The following SOX5 variants were observed in gnomAD, a reference collection of about 807,000 sequenced individuals.
SOX5 encodes the protein transcription factor SOX-5.
Under a neutral mutation model 92.0 loss-of-function variants are expected in SOX5, and 9 were observed. The ratio of observed to expected loss-of-function variants is 0.10; its 90% CI spans 0.06 to 0.17. SOX5 has a LOEUF of 0.17. SOX5 is among the 10% of genes least tolerant of loss of function. SOX5 has a pLI of 1.00. For synonymous variants in SOX5, 344 were observed against 336.3 expected (o/e 1.02, Z -0.25); for missense variants, 642 against 944.5 (o/e 0.68, Z 4.20).
At chr12:23,640,943 C>G in intron 7 of SOX5, 46 bp from the exon 8 acceptor site, 2 of 1,278,028 alleles carry the variant, frequency 1.6e-6, no homozygotes, top group Non-Finnish European at 2.2e-6. Flanking sequence ...TATCTACTCT[C>G]CACCTGCAAA....
At chr12:23,729,818 C>T (rs908958800) in intron 6 of SOX5, among the ~76,000 whole-genome samples, 4 of 152,144 alleles carry the variant, frequency 2.6e-5, no homozygotes, top group African/African-American at 9.7e-5. Context: ...CATGCTAGAA[C>T]GCATTGTCGG....
At chr12:24,550,331 C>T (rs138834564) in intron 1 of SOX5, among the ~76,000 whole-genome samples, 35 of 152,260 alleles carry the variant, frequency 2.3e-4, no homozygotes, top group African/African-American at 7.5e-4. Context: ...AAGAAGATAG[C>T]CACCTATGTT....
chr12:23,713,293 C>T (rs1461284545), intron 6 of SOX5, among the ~76,000 whole-genome samples: 1 of 152,162 alleles, frequency 6.6e-6, no homozygotes, highest in Non-Finnish European at 1.5e-5. Flanking sequence ...GGAATAAACC[C>T]TATCAACAAC....
At chr12:24,011,325 C>A (rs1453543994) in intron 4 of SOX5, among the ~76,000 whole-genome samples, 1 of 152,114 alleles carries the variant, frequency 6.6e-6, no homozygotes, top group Non-Finnish European at 1.5e-5. Context: ...TAGAAGTGGC[C>A]ACCATGGTGA....
At chr12:24,038,145 G>A (rs961899422) in intron 4 of SOX5, among the ~76,000 whole-genome samples, 3 of 152,094 alleles carry the variant, frequency 2.0e-5, no homozygotes, top group African/African-American at 4.8e-5. Flanking sequence ...AATTAACACA[G>A]GAAGATAGAG....
intron 13 of SOX5, among the ~76,000 whole-genome samples, chr12:23,540,529 C>G (rs1941781781): frequency 6.6e-6 from 1 of 152,040 alleles, no homozygotes; most frequent in Non-Finnish European, 1.5e-5. Context: ...CTTTCTAAAT[C>G]TGGCAATACA....
At chr12:23,836,252 T>C (rs1248262100) in intron 3 of SOX5, among the ~76,000 whole-genome samples, 1 of 151,904 alleles carries the variant, frequency 6.6e-6, no homozygotes, top group African/African-American at 2.4e-5. Flanking sequence ...TCACAAAATA[T>C]AATGTAACTA....
intron 1 of SOX5, among the ~76,000 whole-genome samples, chr12:24,467,877 C>T (rs972969978): frequency 1.3e-5 from 2 of 152,168 alleles, no homozygotes; most frequent in Admixed American, 6.5e-5. Flanking sequence ...TCTGCTTTTA[C>T]TCCATGCCAA....
intron 1 of SOX5, among the ~76,000 whole-genome samples, chr12:23,908,833 C>A (rs2097320643): frequency 6.6e-6 from 1 of 152,098 alleles, no homozygotes; most frequent in Non-Finnish European, 1.5e-5. Context: ...GCCAAAGCTC[C>A]TTTGCTTGGA....
At chr12:24,066,536 T>C (rs1250466501) in intron 4 of SOX5, among the ~76,000 whole-genome samples, 1 of 152,136 alleles carries the variant, frequency 6.6e-6, no homozygotes, top group Non-Finnish European at 1.5e-5. Context: ...TGTGAAAAAT[T>C]GATATTGTTT....
intron 4 of SOX5, among the ~76,000 whole-genome samples, chr12:24,204,613 G>A (rs1957850078): frequency 6.6e-6 from 1 of 152,158 alleles, no homozygotes; most frequent in Admixed American, 6.5e-5. Flanking sequence ...ACAGGCGTGA[G>A]CTACCACCCC....
rs75632252 is a variant in SOX5, at chr12:24,115,078, G to C, written c.-2+98265C>G. 1.1e-4 allele frequency among the ~76,000 whole-genome samples: 16 copies of C among 152,242 alleles called. No individual in the cohort carries two copies. In the East Asian group the frequency reaches 2.5e-3, roughly 24 times the overall value. On this transcript the variant is annotated intron_variant, in intron 4 of 4. Transcript: ENST00000446891. ...AATTGAACGAAGACGGAATGTATAA[G>C]AGAAGAGCTATAAAGAATCAATATA...
At chr12:23,613,806 C>T (rs1446525047) in intron 8 of SOX5, among the ~76,000 whole-genome samples, 2 of 152,082 alleles carry the variant, frequency 1.3e-5, no homozygotes, top group African/African-American at 4.8e-5. Context: ...TATGAATTAC[C>T]TAGAGAAATT....
At chr12:23,626,653 T>C (rs2077831369) in intron 8 of SOX5, among the ~76,000 whole-genome samples, 1 of 148,922 alleles carries the variant, frequency 6.7e-6, no homozygotes, top group South Asian at 2.2e-4. Flanking sequence ...TCTGGGCTCT[T>C]GGCTGCTTTC....
At chr12:24,079,151 GA>G (rs1053674755) in intron 4 of SOX5, among the ~76,000 whole-genome samples, 3 of 143,958 alleles carry the variant, frequency 2.1e-5, no homozygotes, top group East Asian at 2.0e-4. Flanking sequence ...TAAATTAAGA[GA>G]AAAAAAAGTA....
intron 3 of SOX5, among the ~76,000 whole-genome samples, chr12:24,238,880 A>G (rs1361537661): frequency 1.3e-5 from 2 of 152,206 alleles, no homozygotes; most frequent in East Asian, 3.8e-4. Flanking sequence ...CTCACATTCA[A>G]TGTCACAATA....
chr12:23,534,285 T>A lies in SOX5; in HGVS notation c.2226A>T (p.Glu742Asp). ...NGEIYDEYDE[E>D]EDDPDVDYGS... is the part of the protein sequence containing the mutation. Reference sequence around the variant, plus strand: ...CATAATCTACATCTGGATCATCCTCTTCCTCGTCGTACTCATCATAAATTT... The same window carrying A: ...CATAATCTACATCTGGATCATCCTCATCCTCGTCGTACTCATCATAAATTT... Residue 742 changes from glutamate to aspartate, a missense_variant, in exon 15 of 15, where the codon GAA becomes GAT. Coordinates refer to ENST00000451604, the MANE Select transcript of SOX5 (RefSeq NM_006940.6). The A allele has an allele frequency of 1.9e-6, 3 of 1,614,156 alleles. No homozygotes were observed. The highest frequency in any genetic ancestry group is 2.2e-5 in the East Asian group (1 of 44,876).
chr12:23,887,210 A>C (rs1042555095), intron 2 of SOX5, among the ~76,000 whole-genome samples: 6 of 152,156 alleles, frequency 3.9e-5, no homozygotes, highest in African/African-American at 1.4e-4. Context: ...GGCAACATAT[A>C]AGAGGAAGGA....
chr12:23,682,002 A>G (rs2086699565), intron 6 of SOX5, among the ~76,000 whole-genome samples: 1 of 151,688 alleles, frequency 6.6e-6, no homozygotes, highest in Non-Finnish European at 1.5e-5. Context: ...ATTTTAGCAC[A>G]ACTTTCTTAA....
Sources: gnomAD v4.1 joint callset for allele counts (sites outside exome capture counted in the v4.1 genomes callset) on GRCh38, gnomAD v4.1.1 for gene constraint, MANE v1.5 for transcripts, NCBI Gene and HGNC (gene_info 2026-07-23, HGNC 2026-07-21) for gene names.